Variants in ALB observed in about 807,000 individuals in gnomAD.
The protein encoded by ALB is albumin, also known as serum albumin.
ALB carries 37 observed loss-of-function variants against 74.5 expected under a neutral mutation model. The observed-to-expected ratio is 0.50, with a 90% CI of 0.38 to 0.65. The LOEUF (loss-of-function observed/expected upper bound fraction) is 0.65. ALB is among the 30% of genes least tolerant of loss of function. ALB has a pLI of 0.00. For missense variants in ALB, 685 were observed against 718.7 expected (o/e 0.95, Z 0.54); for synonymous variants, 249 against 251.6 (o/e 0.99, Z 0.10).
rs1719133548 is a variant in ALB at position 73,421,237 on chromosome 4, A to T, written c.*169A>T. ...CTCTTTTCTCTGTGCTTCAATTAATAAAAAATGGAAAGAATCTAATAGAGT... is the reference window on the plus strand; with the variant it reads ...CTCTTTTCTCTGTGCTTCAATTAATTAAAAATGGAAAGAATCTAATAGAGT... On this transcript the variant is annotated 3_prime_UTR_variant, in exon 15 of 15. Coordinates refer to ENST00000295897, the MANE Select transcript of ALB (RefSeq NM_000477.7). The T allele has an allele frequency of 5.0e-6, 3 of 600,218 alleles. No homozygotes were observed. In the South Asian group the frequency reaches 6.1e-5, roughly 12 times the overall value. The allele number at this position is 600,218 out of a possible 1,614,324, so 37.2% of individuals were successfully genotyped here.
chr4:73,407,480 T>TACC (rs1158001023), intron 3 of ALB, among the ~76,000 whole-genome samples: 1 of 152,240 alleles, frequency 6.6e-6, no homozygotes, highest in Non-Finnish European at 1.5e-5. Context: ...TGCATGTGTG[T>TACC]ACCACATTTT....
intron 12 of ALB, 58 bp downstream of exon 12, chr4:73,418,369 T>A: frequency 1.3e-6 from 2 of 1,485,648 alleles, no homozygotes; most frequent in Non-Finnish European, 1.9e-6. Flanking sequence ...AACTGTCAAT[T>A]CAAGCTAGCA....
At chr4:73,413,832 T>C (rs2051512) in intron 8 of ALB, among the ~76,000 whole-genome samples, 198 bp downstream of exon 8, 65,749 of 152,062 alleles carry the variant, frequency 0.43, 14,551 homozygotes, top group Admixed American at 0.53. Flanking sequence ...TACATGTTCA[T>C]GGCAAAGCTC....
intron 2 of ALB, among the ~76,000 whole-genome samples, chr4:73,405,877 C>G (rs1412237684): frequency 6.6e-6 from 1 of 151,948 alleles, no homozygotes; most frequent in Non-Finnish European, 1.5e-5. Context: ...AGTGAGCCAC[C>G]GCGCCCGGCC....
Position 73,421,276 on chromosome 4 carries a change from T to G in ALB, c.*208T>G, listed in dbSNP as rs1402493323. 4.5e-6 allele frequency: 2 copies of G among 448,672 alleles called. No individual in the cohort carries two copies. The highest frequency in any genetic ancestry group is 2.0e-5 in the African/African-American group (1 of 49,346). The allele number at this position is 448,672 out of a possible 1,614,324, so 27.8% of individuals were successfully genotyped here. A position where few individuals can be genotyped will look rare whatever the true frequency, so the allele number is the denominator to read the frequency against. ...ATCTAATAGAGTGGTACAGCACTGT[T>G]ATTTTTCAAAGATGTGTTGCTATCC... is the stretch of plus-strand genomic sequence containing the variant. On this transcript the variant is annotated 3_prime_UTR_variant, in exon 15 of 15. Coordinates refer to ENST00000295897, the MANE Select transcript of ALB (RefSeq NM_000477.7).
intron 12 of ALB, 178 bp from the exon 13 acceptor site, chr4:73,419,329 T>C (rs1444862651): frequency 4.6e-6 from 3 of 649,276 alleles, no homozygotes; most frequent in Admixed American, 5.9e-5. Context: ...ATCCTCATCA[T>C]GCAGATGAGA....
intron 2 of ALB, among the ~76,000 whole-genome samples, chr4:73,405,636 G>A (rs1718701348): frequency 6.6e-6 from 1 of 151,664 alleles, no homozygotes; most frequent in Admixed American, 6.6e-5. Context: ...TGTCGCCCAG[G>A]CTGGAGTGCA....
At chr4:73,408,520 T>C (rs1308691033) in intron 3 of ALB, 74 bp from the exon 4 acceptor site, 1 of 1,311,454 alleles carries the variant, frequency 7.6e-7, no homozygotes, top group African/African-American at 1.5e-5. Flanking sequence ...GTATATTAAA[T>C]CCTTTGTACT....
intron 9 of ALB, chr4:73,415,432 CAA>C: frequency 2.9e-6 from 1 of 340,508 alleles, no homozygotes; most frequent in East Asian, 6.0e-5. Context: ...ATCCTGAGAA[CAA>C]AAAAAAATTA....
chr4:73,417,800 T>C (rs1161545760), intron 11 of ALB, 131 bp downstream of exon 11: 2 of 901,116 alleles, frequency 2.2e-6, no homozygotes, highest in Admixed American at 5.3e-5. Context: ...TGTGTGTGCA[T>C]GCACGTGTGT....
chr4:73,411,438 C>T lies in ALB; in HGVS notation c.714-558C>T, dbSNP rs186708772. 1.9e-3 allele frequency among the ~76,000 whole-genome samples: 287 copies of T among 152,258 alleles called. 1 individual carries two copies. The highest frequency in any genetic ancestry group is 5.4e-3 in the South Asian group (26 of 4,822). On this transcript the variant is annotated intron_variant, in intron 6 of 14. Coordinates refer to ENST00000295897, the MANE Select transcript of ALB (RefSeq NM_000477.7). ...TATAAGTAAGATCAATAAAAACTCCCTCATTCTGTAGAAGTTATGATTTCT... is the reference window on the plus strand; with the variant it reads ...TATAAGTAAGATCAATAAAAACTCCTTCATTCTGTAGAAGTTATGATTTCT...
intron 13 of ALB, 43 bp from the exon 14 acceptor site, chr4:73,420,210 TA>T (rs1376289416): frequency 6.5e-7 from 1 of 1,546,206 alleles, no homozygotes; most frequent in Admixed American, 1.7e-5. Context: ...ATCCTAATAG[TA>T]ATGCTAATAT....
At chr4:73,404,869 G>T (rs1172503479) in intron 1 of ALB, 2 of 483,126 alleles carry the variant, frequency 4.1e-6, no homozygotes, top group Non-Finnish European at 7.3e-6. Flanking sequence ...TATTATCTAA[G>T]TTTGAATATA....
rs1718814407 is a variant in ALB, at chr4:73,409,434, G to A, written c.562G>A (p.Ala188Thr). 1.2e-6 allele frequency: 2 copies of A among 1,613,858 alleles called. No homozygotes were observed. Among genetic ancestry groups the A allele is most frequent in the Admixed American group, 1.7e-5 (1 of 59,998 alleles). ...LLFFAKRYKA[A>T]FTECCQAADK... The stretch of plus-strand genomic sequence containing the variant: ...TTTCTTTGCTAAAAGGTATAAAGCT[G>A]CTTTTACAGAATGTTGCCAAGCTGC... The change falls in exon 5 of 15, where the codon GCT (alanine) becomes ACT (threonine). Residue 188 changes from alanine (A) to threonine (T), a missense_variant. Transcript: ENST00000295897.
intron 3 of ALB, 61 bp downstream of exon 3, chr4:73,406,822 A>G: frequency 6.3e-7 from 1 of 1,597,060 alleles, no homozygotes; most frequent in Non-Finnish European, 8.5e-7. Context: ...AAGCATTTCA[A>G]AGGAATTTTT....
Position 73,412,257 on chromosome 4 carries a change from A to G in ALB, c.843+132A>G, listed in dbSNP as rs911935256. 20 of 1,132,350 alleles carry G rather than the reference A, an allele frequency of 1.8e-5. No homozygotes were observed. In the East Asian group the frequency reaches 2.1e-4, roughly 12 times the overall value. The allele number at this position is 1,132,350 out of a possible 1,614,324, so 70.1% of individuals were successfully genotyped here. ...TGTGCTTTCGTCTGTCCTATCTTCA[A>G]TCTTTCCCTGCCTATGGTGGTGGTA... On this transcript the variant is annotated intron_variant, in intron 7 of 14. Transcript: ENST00000295897.
chr4:73,408,578 GC>G lies in ALB; in HGVS notation c.271-15del. On this transcript the variant is annotated splice_polypyrimidine_tract_variant and intron_variant, in intron 3 of 14. Transcript: ENST00000295897. ...AGGTACTGTCCAGCAACTGAAACCT[GC>G]TTTCTTCCATTTAGCATACCCTTTT... 6.2e-7 allele frequency: 1 copy of G among 1,611,774 alleles called. No individual in the cohort carries two copies. Among genetic ancestry groups the G allele is most frequent in the Non-Finnish European group, 8.5e-7 (1 of 1,178,212 alleles).
chr4:73,406,702 A>G lies in ALB; in HGVS notation c.211A>G (p.Thr71Ala). ...EDHVKLVNEVTEFAKTCVADE... is the reference protein window; with the variant it reads ...EDHVKLVNEVAEFAKTCVADE... ...TCATGTAAAATTAGTGAATGAAGTA[A>G]CTGAATTTGCAAAAACATGTGTTGC... Residue 71 changes from threonine (T) to alanine (A), a missense_variant, in exon 3 of 15, where the codon ACT becomes GCT. By Grantham distance (58) the Thr-to-Ala change is moderately conservative. Coordinates refer to ENST00000295897, the MANE Select transcript of ALB (RefSeq NM_000477.7). 6.2e-7 allele frequency: 1 copy of G among 1,613,956 alleles called. No homozygotes were observed. The highest frequency in any genetic ancestry group is 1.1e-5 in the South Asian group (1 of 91,076).
At chr4:73,407,337 T>C (rs1286270587) in intron 3 of ALB, among the ~76,000 whole-genome samples, 6 of 152,216 alleles carry the variant, frequency 3.9e-5, no homozygotes, top group Admixed American at 3.9e-4. Context: ...TTAGCTACCT[T>C]ATATAAGTGG....
Sources: allele counts gnomAD v4.1 joint callset (sites outside exome capture counted in the v4.1 genomes callset), GRCh38; gene constraint gnomAD v4.1.1; transcripts MANE v1.5; gene names NCBI Gene and HGNC (gene_info 2026-07-23, HGNC 2026-07-21).